SLC2A11: variants seen among roughly 807,000 people sequenced by gnomAD.
The protein encoded by SLC2A11 is solute carrier family 2 member 11, also known as solute carrier family 2, facilitated glucose transporter member 11.
A neutral mutation model predicts 52.1 loss-of-function variants in SLC2A11; 43 were observed. That is an observed-to-expected ratio of 0.82 (90% confidence interval 0.65 to 1.06). The LOEUF (loss-of-function observed/expected upper bound fraction) is 1.06, where lower values mean the gene tolerates loss of function less well. Ranked by LOEUF, SLC2A11 falls within the 50% of genes least tolerant of loss-of-function variation. The probability of loss-of-function intolerance (pLI) is 0.00; values close to 1 mark genes in which losing one functional copy is unlikely to be tolerated. For missense variants in SLC2A11, 582 were observed against 654.2 expected (o/e 0.89, Z 1.20); for synonymous variants, 261 against 277.6 (o/e 0.94, Z 0.59).
rs554643014 is a variant in SLC2A11, at chr22:23,884,200, C to T, written c.1172-102C>T. The T allele has an allele frequency of 1.6e-5, 24 of 1,502,392 alleles. No homozygotes were observed. The highest frequency in any genetic ancestry group is 2.1e-5 in the Non-Finnish European group (24 of 1,126,436). The allele number at this position is 1,502,392 out of a possible 1,614,324, so 93.1% of individuals were successfully genotyped here. ...GGAGAGCACTGAGGGGCCCCCCATA[C>T]AGACTGGGCCTGGGCTCCCACTCCC... On this transcript the variant is annotated intron_variant, in intron 10 of 11. Transcript: ENST00000316185. The surrounding 1 kb of genome is among the most constrained non-coding windows in gnomAD (Gnocchi z 4.3).
intron 6 of SLC2A11, chr22:23,882,250 A>G (rs2032837523): frequency 1.7e-6 from 1 of 582,910 alleles, no homozygotes; most frequent in East Asian, 2.9e-5. Flanking sequence ...GCAGAGAGAG[A>G]AACACACACA....
intron 3 of SLC2A11, chr22:23,870,217 G>A (rs371604823): frequency 1.4e-5 from 8 of 582,674 alleles, no homozygotes; most frequent in African/African-American, 3.8e-5. Flanking sequence ...ACTATTGCGC[G>A]GCTATCTCAT....
chr22:23,858,476 C>G (rs369059562), intron 1 of SLC2A11, among the ~76,000 whole-genome samples: 2 of 152,330 alleles, frequency 1.3e-5, no homozygotes, highest in East Asian at 3.9e-4. Context: ...CACTGCCCAC[C>G]GCTTCTAGGG....
upstream of SLC2A11, chr22:23,857,602 C>CCCCCAACACGCTGGGGCGAACT (rs1439644337): frequency 1.0e-4 from 125 of 1,195,594 alleles, no homozygotes; most frequent in South Asian, 1.8e-4. Context: ...CGGCGACTCC[C>CCCCCAACACGCTGGGGCGAACT]CCCCAACACG....
intron 1 of SLC2A11, chr22:23,858,290 G>A (rs753483040): frequency 3.2e-6 from 2 of 630,584 alleles, no homozygotes; most frequent in Non-Finnish European, 5.9e-6. Flanking sequence ...ATCCTCTGCC[G>A]ATCAGCCCTG....
At chr22:23,877,449 C>T (rs756171416) in intron 5 of SLC2A11, 38 of 764,218 alleles carry the variant, frequency 5.0e-5, no homozygotes, top group Middle Eastern at 2.2e-4. Context: ...CAAAGACAAA[C>T]GTGTTCCAGT....
chr22:23,875,672 C>G (rs1284590377), intron 4 of SLC2A11, among the ~76,000 whole-genome samples: 1 of 152,176 alleles, frequency 6.6e-6, no homozygotes, highest in Non-Finnish European at 1.5e-5. Context: ...GCACATCCAC[C>G]TGGGTTTTTA....
chr22:23,885,690 A>G lies in SLC2A11; in HGVS notation c.*841A>G, dbSNP rs1475139832. ...CACTGCACTCCAGCCTGGACAACAG[A>G]AAGAGACCATGTTTCAAAAAAAATA... On this transcript the variant is annotated 3_prime_UTR_variant, in exon 12 of 12. Coordinates refer to ENST00000316185, the MANE Select transcript of SLC2A11 (RefSeq NM_001024939.4). 1 of 152,078 alleles carries G rather than the reference A, an allele frequency of 6.6e-6. No individual in the cohort carries two copies. Among genetic ancestry groups the G allele is most frequent in the African/African-American group, 2.4e-5 (1 of 41,388 alleles). 9.4% of individuals were successfully genotyped at this position (152,078 alleles called of 1,614,324 possible).
chr22:23,883,100 A>G (rs909815997), intron 8 of SLC2A11: 1 of 582,252 alleles, frequency 1.7e-6, no homozygotes, highest in Non-Finnish European at 3.1e-6. Flanking sequence ...TCTCTACTAA[A>G]AAATACAAAA....
In SLC2A11 at chr22:23,886,068, TTC is replaced by T. The variant is rs2032987480; in HGVS notation, c.*1220_*1221del. On this transcript the variant is annotated 3_prime_UTR_variant, in exon 12 of 12. Coordinates refer to ENST00000316185, the MANE Select transcript of SLC2A11 (RefSeq NM_001024939.4). ...CCTCAATTGGTCAGATTTGCCTTTT[TTC>T]AGAATCTGAAGTCATTCCGTACTGT... 6.6e-6 allele frequency: 1 copy of T among 152,232 alleles called. No homozygotes were observed. Among genetic ancestry groups the T allele is most frequent in the South Asian group, 2.1e-4 (1 of 4,830 alleles). The allele number at this position is 152,232 out of a possible 1,614,324, so 9.4% of individuals were successfully genotyped here.
rs41277537 is a variant in SLC2A11 at position 23,884,962 on chromosome 22, C to T, written c.*113C>T. The T allele has an allele frequency of 3.3e-3, 2,887 of 864,240 alleles. 9 individuals carry two copies. Among genetic ancestry groups the T allele is most frequent in the Non-Finnish European group, 4.4e-3 (2,484 of 561,054 alleles). The allele number at this position is 864,240 out of a possible 1,614,324, so 53.5% of individuals were successfully genotyped here. On this transcript the variant is annotated 3_prime_UTR_variant, in exon 12 of 12. Coordinates refer to ENST00000316185, the MANE Select transcript of SLC2A11 (RefSeq NM_001024939.4). The surrounding 1 kb of genome is among the most constrained non-coding windows in gnomAD (Gnocchi z 4.3). ...CCTCATTTAAGGAGTGTTTATTGAG[C>T]ACCCTTTGTGTGCAGACATGGCTCC...
intron 2 of SLC2A11, chr22:23,868,116 G>T (rs1423952270): frequency 3.1e-6 from 1 of 321,672 alleles, no homozygotes; most frequent in Non-Finnish European, 6.0e-6. Flanking sequence ...GGATTACATT[G>T]TAGTACACCC....
At chr22:23,857,074 G>GTGT (rs71184919), upstream of SLC2A11, 334 of 289,726 alleles carry the variant, frequency 1.2e-3, no homozygotes, top group African/African-American at 3.4e-3. Context: ...GTGTGTGTGT[G>GTGT]GGGGGGGGGG....
intron 6 of SLC2A11, 117 bp downstream of exon 6, chr22:23,877,986 T>C: frequency 3.2e-6 from 4 of 1,268,080 alleles, no homozygotes; most frequent in Non-Finnish European, 4.3e-6. Flanking sequence ...TCCCTCTCTT[T>C]GTGCCTCAAT....
chr22:23,857,899 G>A lies in SLC2A11; in HGVS notation c.-101G>A, dbSNP rs1601479777. Reference sequence around the variant, plus strand: ...CCTCTTTCACCACTGGGCGCTGCGCGCTGCCCTTCCCTCCGCGCACAGGCT... The same window carrying A: ...CCTCTTTCACCACTGGGCGCTGCGCACTGCCCTTCCCTCCGCGCACAGGCT... On this transcript the variant is annotated 5_prime_UTR_variant, in exon 1 of 12. Coordinates refer to ENST00000316185, the MANE Select transcript of SLC2A11 (RefSeq NM_001024939.4). The A allele has an allele frequency of 6.4e-7, 1 of 1,569,206 alleles. No individual in the cohort carries two copies. Among genetic ancestry groups the A allele is most frequent in the East Asian group, 2.4e-5 (1 of 42,118 alleles).
At chr22:23,857,356 T>C (rs1601477924), upstream of SLC2A11, 2 of 1,467,498 alleles carry the variant, frequency 1.4e-6, no homozygotes, top group South Asian at 1.2e-5. Context: ...TGCTGGCACT[T>C]GCGAGGGCGA....
chr22:23,875,182 G>A lies in SLC2A11; in HGVS notation c.356G>A (p.Arg119His), dbSNP rs768582330. ...GCAGCAATCCTGTTTGGATTCAGCCGCAAAGCAGGCTCCTTTGAGATGATC... is the reference window on the plus strand; with the variant it reads ...GCAGCAATCCTGTTTGGATTCAGCCACAAAGCAGGCTCCTTTGAGATGATC... ...VSAAILFGFS[R>H]KAGSFEMIML... The change falls in exon 4 of 12, where the codon CGC becomes CAC. Residue 119 changes from arginine to histidine, a missense_variant. Arg to His is a conservative substitution (Grantham distance 29). Transcript: ENST00000316185. 39 of 1,589,498 alleles carry A rather than the reference G, an allele frequency of 2.5e-5. No individual in the cohort carries two copies. In the Admixed American group the frequency reaches 3.0e-4, roughly 12 times the overall value.
chr22:23,882,387 G>A, intron 6 of SLC2A11, 72 bp from the exon 7 acceptor site: 1 of 1,329,844 alleles, frequency 7.5e-7, no homozygotes, highest in Non-Finnish European at 1.0e-6. Flanking sequence ...TGGGATGGAG[G>A]GGGGCGTCCC....
rs1243286823 is a variant in SLC2A11 at position 23,877,513 on chromosome 22, G to T, written c.546-208G>T. 8 of 782,018 alleles carry T rather than the reference G, an allele frequency of 1.0e-5. No individual in the cohort carries two copies. In the African/African-American group the frequency reaches 1.4e-4, roughly 13 times the overall value. 48.4% of individuals were successfully genotyped at this position (782,018 alleles called of 1,614,324 possible). On this transcript the variant is annotated intron_variant, in intron 5 of 11. Coordinates refer to ENST00000316185, the MANE Select transcript of SLC2A11 (RefSeq NM_001024939.4). ...GCCTGGACCCTTGGGAAGAGGAGTT[G>T]CTAGGGATGAGGTGGGGCAGTGGCC... is the stretch of plus-strand genomic sequence containing the variant.
Sources: gnomAD v4.1 joint callset for allele counts (sites outside exome capture counted in the v4.1 genomes callset) on GRCh38, gnomAD v4.1.1 for gene constraint, Gnocchi (gnomAD v3.1) non-coding constraint, MANE v1.5 for transcripts, NCBI Gene and HGNC (gene_info 2026-07-23, HGNC 2026-07-21) for gene names.